The following AKAP8L variants were observed in gnomAD, a reference collection of about 807,000 sequenced individuals.
The protein encoded by AKAP8L is A-kinase anchor protein 8-like.
AKAP8L carries 34 observed loss-of-function variants against 77.5 expected under a neutral mutation model. The ratio of observed to expected loss-of-function variants is 0.44; its 90% CI spans 0.33 to 0.58. The LOEUF (loss-of-function observed/expected upper bound fraction) is 0.58. Among genes scored for constraint, AKAP8L ranks in the 20% least tolerant of loss-of-function variants. The pLI is 0.02. For synonymous variants in AKAP8L, 342 were observed against 340.7 expected (o/e 1.00, Z -0.04); for missense variants, 806 against 887.6 (o/e 0.91, Z 1.17).
intron 2 of AKAP8L, among the ~76,000 whole-genome samples, chr19:15,405,921 CA>C (rs895060148): frequency 6.7e-4 from 89 of 133,080 alleles, no homozygotes; most frequent in Admixed American, 1.1e-3. Context: ...GACTCTGTCT[CA>C]AAAAAAAAAA....
In AKAP8L at chr19:15,400,200, C is replaced by CGCAT. The variant is rs1967863267; in HGVS notation, c.1048+91_1048+94dup. 59 of 1,340,518 alleles carry CGCAT rather than the reference C, an allele frequency of 4.4e-5. 2 individuals are homozygous for CGCAT. In the South Asian group the frequency reaches 7.0e-4, roughly 16 times the overall value. 83.0% of individuals were successfully genotyped at this position (1,340,518 alleles called of 1,614,324 possible). On this transcript the variant is annotated intron_variant, in intron 8 of 13. Coordinates refer to ENST00000397410, the MANE Select transcript of AKAP8L (RefSeq NM_014371.4). ...CCCACAAGGGAGGTCCCCAACTGGC[C>CGCAT]GCATGTCTGCCGCAACCCTGCCCTC...
Position 15,397,369 on chromosome 19 carries a change from C to A in AKAP8L, c.1406-89G>T. On this transcript the variant is annotated intron_variant, in intron 11 of 13. Transcript: ENST00000397410. This position sits in a 1 kb window ranked among gnomAD's most constrained non-coding sequence, Gnocchi z 4.7. ...GAAAAAAACCACACCAGCTCCTCCT[C>A]AACTCGCCCTGCCACTTCCACCTGG... 2.0e-6 allele frequency: 3 copies of A among 1,537,774 alleles called. No homozygotes were observed. Among genetic ancestry groups the A allele is most frequent in the Non-Finnish European group, 2.7e-6 (3 of 1,130,178 alleles).
chr19:15,418,849 G>C (rs535072484), intron 1 of AKAP8L, 62 bp downstream of exon 1: 11 of 1,523,574 alleles, frequency 7.2e-6, no homozygotes, highest in Non-Finnish European at 9.8e-6. Flanking sequence ...AGCCTGGTGC[G>C]GCATCCGCAC....
rs757785619 is a variant in AKAP8L, at chr19:15,399,424, T to G, written c.1049-14A>C. ...TGGTTAGGGCCCCTGTGGGAGCAGA[T>G]GGGCACTGTCACCAATTTGGCTCTG... is the stretch of plus-strand genomic sequence containing the variant. On this transcript the variant is annotated splice_polypyrimidine_tract_variant and intron_variant, in intron 8 of 13. Coordinates refer to ENST00000397410, the MANE Select transcript of AKAP8L (RefSeq NM_014371.4). The surrounding 1 kb of genome is among the most constrained non-coding windows in gnomAD (Gnocchi z 6.1). 6.2e-7 allele frequency: 1 copy of G among 1,603,994 alleles called. No individual in the cohort carries two copies.
chr19:15,413,015 GC>G (rs1191178178), intron 1 of AKAP8L, among the ~76,000 whole-genome samples: 1 of 152,220 alleles, frequency 6.6e-6, no homozygotes, highest in Non-Finnish European at 1.5e-5. Flanking sequence ...CCCTGGGTAA[GC>G]GTTCTCTTAT....
intron 12 of AKAP8L, among the ~76,000 whole-genome samples, chr19:15,386,958 C>T (rs1412105798): frequency 6.6e-6 from 1 of 152,152 alleles, no homozygotes; most frequent in Non-Finnish European, 1.5e-5. Context: ...TGTACCCAGC[C>T]GGATGTCAGT....
chr19:15,404,583 C>G (rs1967961551), intron 2 of AKAP8L, among the ~76,000 whole-genome samples: 2 of 152,228 alleles, frequency 1.3e-5, no homozygotes, highest in African/African-American at 4.8e-5. Flanking sequence ...AAACCTCATT[C>G]CTTCAGTAAC....
chr19:15,395,216 G>GC (rs1967744645), intron 12 of AKAP8L, among the ~76,000 whole-genome samples: 1 of 151,966 alleles, frequency 6.6e-6, no homozygotes, highest in South Asian at 2.1e-4. Context: ...TGTATTTTTA[G>GC]TAGAGACGGG....
At chr19:15,392,178 G>C (rs1462139609) in intron 12 of AKAP8L, among the ~76,000 whole-genome samples, 2 of 152,206 alleles carry the variant, frequency 1.3e-5, no homozygotes, top group Non-Finnish European at 2.9e-5. Context: ...AAAACAAATA[G>C]TTCAGTGAGG....
Position 15,398,077 on chromosome 19 carries a change from C to T in AKAP8L, c.1158-222G>A. On this transcript the variant is annotated intron_variant, in intron 9 of 13. Transcript: ENST00000397410. The surrounding 1 kb of genome is among the most constrained non-coding windows in gnomAD (Gnocchi z 9.2). ...TGCAACGTAGGGGACAGGGGAGGAGCTCTTCCTTCCCACAGGCAGGAGGCT... is the reference window on the plus strand; with the variant it reads ...TGCAACGTAGGGGACAGGGGAGGAGTTCTTCCTTCCCACAGGCAGGAGGCT... 2 of 560,848 alleles carry T rather than the reference C, an allele frequency of 3.6e-6. No individual in the cohort carries two copies. Among genetic ancestry groups the T allele is most frequent in the Non-Finnish European group, 6.3e-6 (2 of 315,292 alleles). The allele number at this position is 560,848 out of a possible 1,614,324, so 34.7% of individuals were successfully genotyped here.
At chr19:15,385,477 G>A (rs909003379) in intron 12 of AKAP8L, among the ~76,000 whole-genome samples, 15 of 152,078 alleles carry the variant, frequency 9.9e-5, no homozygotes, top group Middle Eastern at 3.5e-3. Flanking sequence ...CACCGCGCCC[G>A]GCAACTGTTG....
chr19:15,380,076 G>C lies in AKAP8L; in HGVS notation c.*46C>G. 7.1e-7 allele frequency: 1 copy of C among 1,398,740 alleles called. No homozygotes were observed. The highest frequency in any genetic ancestry group is 9.2e-7 in the Non-Finnish European group (1 of 1,082,870). 86.6% of individuals were successfully genotyped at this position (1,398,740 alleles called of 1,614,324 possible). A position where few individuals can be genotyped will look rare whatever the true frequency, so the allele number is the denominator to read the frequency against. On this transcript the variant is annotated 3_prime_UTR_variant, in exon 14 of 14. Transcript: ENST00000397410. ...GGGATGGGAAAACTTTATTAGGTTT[G>C]GTTTCCAGCTTCGGCCACGCGGGCT...
intron 12 of AKAP8L, among the ~76,000 whole-genome samples, chr19:15,391,457 C>CAA (rs1163781609): frequency 0.24 from 8,271 of 34,804 alleles, 2,431 homozygotes; most frequent in Non-Finnish European, 0.31. Flanking sequence ...GACTCTGTCT[C>CAA]AAAAAAAAAA....
chr19:15,396,527 G>A (rs1414376373), intron 12 of AKAP8L, among the ~76,000 whole-genome samples: 1 of 152,128 alleles, frequency 6.6e-6, no homozygotes, highest in Non-Finnish European at 1.5e-5. Context: ...TGACAATCTT[G>A]GCAGCACCGC....
intron 12 of AKAP8L, among the ~76,000 whole-genome samples, chr19:15,387,581 G>T (rs573118498): frequency 6.6e-6 from 1 of 152,120 alleles, no homozygotes; most frequent in Admixed American, 6.5e-5. Flanking sequence ...AGGCTAACTA[G>T]GTTACCAAAG....
At position 15,397,331 on chromosome 19, in the gene AKAP8L, C is replaced by A. The variant is rs565126954; in HGVS notation, c.1406-51G>T. On this transcript the variant is annotated intron_variant, in intron 11 of 13. Transcript: ENST00000397410. The surrounding 1 kb of genome is among the most constrained non-coding windows in gnomAD (Gnocchi z 4.7). ...ACTGGGCCCAGGTGCCTAAGATAGA[C>A]CCAGGTGTTCGAGAAAAAAACCACA... 2 of 1,603,954 alleles carry A rather than the reference C, an allele frequency of 1.2e-6. No homozygotes were observed. The highest frequency in any genetic ancestry group is 2.2e-5 in the East Asian group (1 of 44,642).
chr19:15,398,808 G>C lies in AKAP8L; in HGVS notation c.1157+494C>G. 9.9e-7 allele frequency: 1 copy of C among 1,009,680 alleles called. No individual in the cohort carries two copies. 62.5% of individuals were successfully genotyped at this position (1,009,680 alleles called of 1,614,324 possible). On this transcript the variant is annotated intron_variant, in intron 9 of 13. Transcript: ENST00000397410. The surrounding 1 kb of genome is among the most constrained non-coding windows in gnomAD (Gnocchi z 9.2). ...CCGACCAAGGGGCGTGAAGGGCTCA[G>C]CCGCAGACAGGCCCGGCCTGACAGG...
intron 2 of AKAP8L, 176 bp from the exon 3 acceptor site, chr19:15,404,218 G>A (rs892900822): frequency 1.9e-4 from 118 of 610,632 alleles, no homozygotes; most frequent in Non-Finnish European, 2.9e-4. Flanking sequence ...TGCTGCCCTG[G>A]TGCCTGGCTG....
In AKAP8L at chr19:15,397,688, A is replaced by G. The variant is rs762573190; in HGVS notation, c.1299+26T>C. Reference sequence around the variant, plus strand: ...GTTCTCAGGGGTCCAAGAAACTAAGAGCGGCTGTGTTACTCCAAGGCTCAC... The same window carrying G: ...GTTCTCAGGGGTCCAAGAAACTAAGGGCGGCTGTGTTACTCCAAGGCTCAC... On this transcript the variant is annotated intron_variant, in intron 10 of 13. Coordinates refer to ENST00000397410, the MANE Select transcript of AKAP8L (RefSeq NM_014371.4). The surrounding 1 kb of genome is among the most constrained non-coding windows in gnomAD (Gnocchi z 4.7). 2.7e-5 allele frequency: 44 copies of G among 1,613,814 alleles called. No individual in the cohort carries two copies. Among genetic ancestry groups the G allele is most frequent in the Non-Finnish European group, 3.6e-5 (43 of 1,179,874 alleles).
Sources: gnomAD v4.1 joint callset for allele counts (sites outside exome capture counted in the v4.1 genomes callset) on GRCh38, gnomAD v4.1.1 for gene constraint, Gnocchi (gnomAD v3.1) non-coding constraint, MANE v1.5 for transcripts, NCBI Gene and HGNC (gene_info 2026-07-23, HGNC 2026-07-21) for gene names.